PGGT1B: variants seen among roughly 807,000 people sequenced by gnomAD.
PGGT1B encodes the protein protein geranylgeranyltransferase type I subunit beta, also known as geranylgeranyl transferase type-1 subunit beta.
Under a neutral mutation model 46.1 loss-of-function variants are expected in PGGT1B, and 30 were observed. The observed-to-expected ratio is 0.65, with a 90% confidence interval of 0.49 to 0.88. The LOEUF is 0.88. Among genes scored for constraint, PGGT1B ranks in the 40% least tolerant of loss-of-function variants. The pLI is 0.00. For synonymous variants in PGGT1B, 170 were observed against 160.0 expected, an observed-to-expected ratio of 1.06 and a Z score of -0.47; for missense variants, 376 against 455.9, an observed-to-expected ratio of 0.82 and a Z score of 1.60.
At chr5:115,247,675 T>TA (rs531534460) in intron 2 of PGGT1B, among the ~76,000 whole-genome samples, 25 of 150,622 alleles carry the variant, frequency 1.7e-4, no homozygotes, top group Non-Finnish European at 8.9e-5. Flanking sequence ...ATTCAATAGC[T>TA]AAAAAAAAAA....
intron 5 of PGGT1B, chr5:115,231,790 C>G (rs1014030546): frequency 6.6e-6 from 1 of 152,044 alleles, no homozygotes; most frequent in Non-Finnish European, 1.5e-5. Context: ...TGCACACATT[C>G]CAGTTGCCAT....
chr5:115,259,804 T>C (rs1460800500), intron 1 of PGGT1B, among the ~76,000 whole-genome samples: 5 of 150,154 alleles, frequency 3.3e-5, no homozygotes, highest in Non-Finnish European at 5.9e-5. Context: ...TAGAGGGACA[T>C]GAGAATACAA....
rs1756014088 is a variant in PGGT1B, at chr5:115,204,660, A to C, written c.*7742T>G. On this transcript the variant is annotated 3_prime_UTR_variant, in exon 9 of 9. Transcript: ENST00000419445. ...CTTGTTGTTGAGTTTATGAATGGCT[A>C]CACTGTTTCTGGATGGCAATTCTTG... The C allele has an allele frequency of 6.6e-6, 1 of 152,164 alleles. No individual in the cohort carries two copies. The allele number at this position is 152,164 out of a possible 1,614,324, so 9.4% of individuals were successfully genotyped here.
chr5:115,236,358 C>T, intron 5 of PGGT1B, 32 bp downstream of exon 5: 2 of 1,563,394 alleles, frequency 1.3e-6, no homozygotes, highest in South Asian at 2.4e-5. Context: ...GCAAAAACAA[C>T]CTAAATAGTC....
At chr5:115,251,415 G>C (rs376618836) in intron 2 of PGGT1B, among the ~76,000 whole-genome samples, 21 of 152,024 alleles carry the variant, frequency 1.4e-4, no homozygotes, top group African/African-American at 4.6e-4. Context: ...ATATAATAGC[G>C]TTATAAAAAA....
intron 2 of PGGT1B, chr5:115,252,817 A>T (rs1443512364): frequency 5.6e-6 from 1 of 178,734 alleles, no homozygotes; most frequent in African/African-American, 2.4e-5. Flanking sequence ...AACAGAGTTA[A>T]TGCTACAGAA....
chr5:115,237,845 G>T lies in PGGT1B; in HGVS notation c.479+13C>A. On this transcript the variant is annotated intron_variant, in intron 4 of 8. Coordinates refer to ENST00000419445, the MANE Select transcript of PGGT1B (RefSeq NM_005023.4). ...TGTTTATTACAAAAAAAGTAACAAA[G>T]AATCACTCATACCTCCCATCTTCCA... 1 of 1,597,900 alleles carries T rather than the reference G, an allele frequency of 6.3e-7. No individual in the cohort carries two copies. The highest frequency in any genetic ancestry group is 1.1e-5 in the South Asian group (1 of 88,686).
intron 6 of PGGT1B, among the ~76,000 whole-genome samples, chr5:115,225,678 C>T (rs1241742475): frequency 1.3e-5 from 2 of 148,876 alleles, no homozygotes; most frequent in African/African-American, 5.0e-5. Flanking sequence ...GACAGTCTTG[C>T]TCTGTCACCC....
At chr5:115,232,972 T>C (rs996351293) in intron 5 of PGGT1B, among the ~76,000 whole-genome samples, 8 of 152,018 alleles carry the variant, frequency 5.3e-5, no homozygotes, top group South Asian at 4.1e-4. Context: ...AGAAAAATCA[T>C]AGAACAACCC....
intron 1 of PGGT1B, among the ~76,000 whole-genome samples, chr5:115,258,096 T>A (rs1472920886): frequency 6.6e-6 from 1 of 152,230 alleles, no homozygotes. Context: ...TCTACTATCA[T>A]ACTTTTTCAA....
chr5:115,262,595 G>C (rs1394561782), intron 1 of PGGT1B, 117 bp downstream of exon 1: 7 of 1,182,952 alleles, frequency 5.9e-6, no homozygotes, highest in African/African-American at 1.5e-5. Flanking sequence ...ACCAGTCAGT[G>C]CCAACTGGGC....
chr5:115,209,907 C>A lies in PGGT1B; in HGVS notation c.*2495G>T, dbSNP rs1756172757. ...GTCCAAGATCATGCTGCTGAACTGG[C>A]AAATCTGGGATTTAAACCCAGGTCA... On this transcript the variant is annotated 3_prime_UTR_variant, in exon 9 of 9. Coordinates refer to ENST00000419445, the MANE Select transcript of PGGT1B (RefSeq NM_005023.4). 6.6e-6 allele frequency: 1 copy of A among 151,980 alleles called. No homozygotes were observed. Among genetic ancestry groups the A allele is most frequent in the Non-Finnish European group, 1.5e-5 (1 of 67,978 alleles). 9.4% of individuals were successfully genotyped at this position (151,980 alleles called of 1,614,324 possible).
intron 8 of PGGT1B, among the ~76,000 whole-genome samples, chr5:115,213,773 A>AAAC (rs1203551116): frequency 6.6e-6 from 1 of 152,224 alleles, no homozygotes; most frequent in Non-Finnish European, 1.5e-5. Flanking sequence ...CCCTGTCTCA[A>AAAC]AACAACAACA....
intron 5 of PGGT1B, among the ~76,000 whole-genome samples, chr5:115,233,899 A>C (rs1757081754): frequency 6.6e-6 from 1 of 152,032 alleles, no homozygotes; most frequent in Admixed American, 6.6e-5. Flanking sequence ...ATAAAATTAC[A>C]TATGCATTTA....
rs535590713 is a variant in PGGT1B, at chr5:115,206,123, A to G, written c.*6279T>C. 6.6e-6 allele frequency: 1 copy of G among 152,128 alleles called. No individual in the cohort carries two copies. Among genetic ancestry groups the G allele is most frequent in the Non-Finnish European group, 1.5e-5 (1 of 67,896 alleles). 9.4% of individuals were successfully genotyped at this position (152,128 alleles called of 1,614,324 possible). A position where few individuals can be genotyped will look rare whatever the true frequency, so the allele number is the denominator to read the frequency against. ...TACCTCAGATCTTTATGTATAGTAT[A>G]CATACATATATCTATTTGTATAAGT... is the stretch of plus-strand genomic sequence containing the variant. On this transcript the variant is annotated 3_prime_UTR_variant, in exon 9 of 9. Transcript: ENST00000419445.
chr5:115,258,950 T>C (rs923430104), intron 1 of PGGT1B, among the ~76,000 whole-genome samples: 1 of 152,184 alleles, frequency 6.6e-6, no homozygotes, highest in African/African-American at 2.4e-5. Flanking sequence ...ACAGTTCCCA[T>C]AAAGTAAATT....
At chr5:115,246,560 A>C (rs910616288) in intron 2 of PGGT1B, among the ~76,000 whole-genome samples, 36 of 152,282 alleles carry the variant, frequency 2.4e-4, no homozygotes, top group African/African-American at 7.9e-4. Flanking sequence ...ATTTCTTTCC[A>C]GGTTATCAAA....
intron 3 of PGGT1B, 65 bp downstream of exon 3, chr5:115,241,474 G>C (rs1365158190): frequency 2.0e-6 from 2 of 1,011,224 alleles, no homozygotes; most frequent in East Asian, 2.7e-5. Context: ...TAACTTCTTA[G>C]TTTTCTCTTT....
chr5:115,204,287 C>T lies in PGGT1B; in HGVS notation c.*8115G>A, dbSNP rs1006705443. On this transcript the variant is annotated 3_prime_UTR_variant, in exon 9 of 9. Transcript: ENST00000419445. The stretch of plus-strand genomic sequence containing the variant: ...AAACACAAATGTCTAACCCTACCCC[C>T]AGAGTTTCTAATTCAGGAGGTCTAA... The T allele has an allele frequency of 6.6e-6, 1 of 152,194 alleles. No homozygotes were observed. The highest frequency in any genetic ancestry group is 2.1e-4 in the South Asian group (1 of 4,828). 9.4% of individuals were successfully genotyped at this position (152,194 alleles called of 1,614,324 possible).
Sources: gnomAD v4.1 joint callset for allele counts (sites outside exome capture counted in the v4.1 genomes callset) on GRCh38, gnomAD v4.1.1 for gene constraint, MANE v1.5 for transcripts, NCBI Gene and HGNC (gene_info 2026-07-23, HGNC 2026-07-21) for gene names.